Variants in NXPH1 observed in about 807,000 individuals in gnomAD.
The protein encoded by NXPH1 is neurexophilin 1, also known as neurexophilin-1.
In NXPH1, 5 loss-of-function variants were observed where a neutral mutation model predicts 23.7. The ratio of observed to expected loss-of-function variants is 0.21; its 90% confidence interval spans 0.11 to 0.44. The LOEUF is 0.44. Among genes scored for constraint, NXPH1 ranks in the 20% least tolerant of loss-of-function variants. NXPH1 has a pLI of 0.99. For missense variants in NXPH1, 324 were observed against 321.6 expected, an observed-to-expected ratio of 1.01 and a Z score of -0.06; for synonymous variants, 144 against 122.2, an observed-to-expected ratio of 1.18 and a Z score of -1.18.
chr7:8,638,133 TG>T (rs1451624999), intron 2 of NXPH1, among the ~76,000 whole-genome samples: 2 of 152,300 alleles, frequency 1.3e-5, no homozygotes, highest in Admixed American at 6.5e-5. Flanking sequence ...AGGAGAATGC[TG>T]ATCTACTAAA....
intron 2 of NXPH1, among the ~76,000 whole-genome samples, chr7:8,632,325 A>G (rs903620422): frequency 6.6e-6 from 1 of 152,168 alleles, no homozygotes; most frequent in Admixed American, 6.6e-5. Flanking sequence ...TTTTCTATCA[A>G]TATTTTATAC....
At chr7:8,648,743 T>A (rs1820436446) in intron 2 of NXPH1, among the ~76,000 whole-genome samples, 1 of 152,220 alleles carries the variant, frequency 6.6e-6, no homozygotes, top group African/African-American at 2.4e-5. Flanking sequence ...AAATGTGTTT[T>A]CTTGAAAACA....
At chr7:8,508,846 G>A (rs531571829) in intron 2 of NXPH1, among the ~76,000 whole-genome samples, 1 of 152,170 alleles carries the variant, frequency 6.6e-6, no homozygotes, top group Middle Eastern at 3.4e-3. Context: ...TCTTGTAAAA[G>A]GAAAGATATC....
chr7:8,530,182 G>A (rs976212558), intron 2 of NXPH1, among the ~76,000 whole-genome samples: 7 of 152,154 alleles, frequency 4.6e-5, no homozygotes, highest in African/African-American at 1.4e-4. Flanking sequence ...TGGATGGGCA[G>A]GGTAGCTGGT....
At chr7:8,443,256 G>A (rs1816336327) in intron 2 of NXPH1, among the ~76,000 whole-genome samples, 1 of 152,230 alleles carries the variant, frequency 6.6e-6, no homozygotes, top group Admixed American at 6.5e-5. Flanking sequence ...GCGGCGTCAC[G>A]TGATCACCAC....
chr7:8,579,482 C>T (rs1354713655), intron 2 of NXPH1, among the ~76,000 whole-genome samples: 2 of 151,664 alleles, frequency 1.3e-5, no homozygotes, highest in African/African-American at 4.8e-5. Flanking sequence ...AAGCAATTCT[C>T]CTGCTTCAGT....
chr7:8,748,123 T>A (rs1347445045), intron 2 of NXPH1, among the ~76,000 whole-genome samples: 2 of 152,216 alleles, frequency 1.3e-5, no homozygotes, highest in Admixed American at 6.5e-5. Flanking sequence ...ATATTTTTCC[T>A]TTCAACTTTA....
chr7:8,713,364 A>C (rs1200083318), intron 2 of NXPH1, among the ~76,000 whole-genome samples: 1 of 152,056 alleles, frequency 6.6e-6, no homozygotes, highest in East Asian at 1.9e-4. Flanking sequence ...TGTTATCTTG[A>C]ATTTCTCTGC....
At chr7:8,699,371 C>T (rs553441791) in intron 2 of NXPH1, among the ~76,000 whole-genome samples, 75 of 151,976 alleles carry the variant, frequency 4.9e-4, no homozygotes, top group Non-Finnish European at 1.0e-3. Flanking sequence ...CAGTTTTTAT[C>T]TCTGATTTTC....
At chr7:8,483,338 CT>C (rs1301688839) in intron 2 of NXPH1, among the ~76,000 whole-genome samples, 4 of 151,586 alleles carry the variant, frequency 2.6e-5, no homozygotes, top group Admixed American at 2.6e-4. Context: ...ATTTTATTTT[CT>C]TTTTTTTAAA....
intron 2 of NXPH1, among the ~76,000 whole-genome samples, chr7:8,698,711 C>T (rs1779574905): frequency 6.6e-6 from 1 of 152,010 alleles, no homozygotes; most frequent in Non-Finnish European, 1.5e-5. Flanking sequence ...AGTTGAGAAC[C>T]ACAGATCTAT....
At chr7:8,541,381 A>G (rs1163506854) in intron 2 of NXPH1, among the ~76,000 whole-genome samples, 2 of 151,690 alleles carry the variant, frequency 1.3e-5, no homozygotes, top group Non-Finnish European at 3.0e-5. Context: ...AATTAAGGTC[A>G]CTGAAGGAAA....
At chr7:8,573,571 G>C (rs1367025199) in intron 2 of NXPH1, among the ~76,000 whole-genome samples, 1 of 152,100 alleles carries the variant, frequency 6.6e-6, no homozygotes, top group Non-Finnish European at 1.5e-5. Context: ...GTGATGGATA[G>C]GTACAAACAG....
intron 2 of NXPH1, among the ~76,000 whole-genome samples, chr7:8,746,545 T>C (rs556460452): frequency 6.6e-6 from 1 of 152,370 alleles, no homozygotes; most frequent in East Asian, 1.9e-4. Flanking sequence ...GCCATATATT[T>C]AGGCAGTCAC....
intron 2 of NXPH1, among the ~76,000 whole-genome samples, chr7:8,748,807 A>C (rs770393808): frequency 1.6e-4 from 25 of 152,186 alleles, no homozygotes; most frequent in Non-Finnish European, 2.6e-4. Context: ...TCTCTGATGC[A>C]ATGAATTTTC....
intron 2 of NXPH1, among the ~76,000 whole-genome samples, chr7:8,448,288 C>G (rs747125991): frequency 6.6e-6 from 1 of 152,168 alleles, no homozygotes. Context: ...CAATGATGAA[C>G]TAACAAAGAA....
intron 2 of NXPH1, among the ~76,000 whole-genome samples, chr7:8,692,519 G>A (rs1821237919): frequency 6.6e-6 from 1 of 152,272 alleles, no homozygotes; most frequent in African/African-American, 2.4e-5. Context: ...AACAGAACAA[G>A]ACTTCCTAGG....
chr7:8,448,071 A>G (rs543293037), intron 2 of NXPH1, among the ~76,000 whole-genome samples: 1 of 152,366 alleles, frequency 6.6e-6, no homozygotes, highest in East Asian at 1.9e-4. Context: ...GGGAAGCAGC[A>G]TTGTGAAAGA....
intron 2 of NXPH1, among the ~76,000 whole-genome samples, chr7:8,536,293 C>T (rs1335164274): frequency 6.6e-6 from 1 of 151,994 alleles, no homozygotes; most frequent in African/African-American, 2.4e-5. Context: ...ATGCTGATCA[C>T]ATATTGAGGG....
Sources: gnomAD v4.1 joint callset for allele counts (sites outside exome capture counted in the v4.1 genomes callset) on GRCh38, gnomAD v4.1.1 for gene constraint, MANE v1.5 for transcripts, NCBI Gene and HGNC (gene_info 2026-07-23, HGNC 2026-07-21) for gene names.